The following MINAR1 variants were observed in gnomAD, a reference collection of about 807,000 sequenced individuals.
MINAR1 encodes the protein membrane integral NOTCH2 associated receptor 1, also known as major intrinsically disordered Notch2-binding receptor 1.
A neutral mutation model predicts 65.1 loss-of-function variants in MINAR1; 40 were observed. The ratio of observed to expected loss-of-function variants is 0.61; its 90% confidence interval spans 0.48 to 0.80. The LOEUF (loss-of-function observed/expected upper bound fraction) is 0.80. Ranked by LOEUF, MINAR1 falls within the 30% of genes least tolerant of loss-of-function variation. The pLI is 0.00. For missense variants in MINAR1, 1,128 were observed against 1,148.0 expected (o/e 0.98, Z 0.25); for synonymous variants, 482 against 449.1 (o/e 1.07, Z -0.93).
intron 2 of MINAR1, among the ~76,000 whole-genome samples, chr15:79,460,116 G>A (rs1378737637): frequency 6.6e-6 from 1 of 152,174 alleles, no homozygotes; most frequent in Admixed American, 6.5e-5. Context: ...CCGCTCGATA[G>A]GTCTAACACA....
Position 79,456,935 on chromosome 15 carries a change from A to AT in MINAR1, c.792dup (p.His265SerfsTer20). 1 of 1,614,086 alleles carries AT rather than the reference A, an allele frequency of 6.2e-7. No individual in the cohort carries two copies. Among genetic ancestry groups the AT allele is most frequent in the East Asian group, 2.2e-5 (1 of 44,870 alleles). On this transcript the variant is annotated frameshift_variant, in exon 2 of 4. Transcript: ENST00000305428. LOFTEE classifies it high-confidence loss of function. Reference sequence around the variant, plus strand: ...CAGAAAAGGAATATCTTCAAAGAGGATTTTCACAATTTGATGGCAGTGTCC... The same window carrying AT: ...CAGAAAAGGAATATCTTCAAAGAGGATTTTTCACAATTTGATGGCAGTGTCC...
chr15:79,468,157 G>GTATT lies in MINAR1; in HGVS notation c.2554-28_2554-25dup, dbSNP rs536383787. On this transcript the variant is annotated intron_variant, in intron 3 of 3. Coordinates refer to ENST00000305428, the MANE Select transcript of MINAR1 (RefSeq NM_015206.3). The stretch of plus-strand genomic sequence containing the variant: ...TTTGACCTGATTTCAAGTATTCACT[G>GTATT]TATTTCTAACATCTTCTCTTCGCTT... 4.8e-4 allele frequency: 760 copies of GTATT among 1,579,566 alleles called. 2 individuals are homozygous for GTATT. The African/African-American group carries it at 9.3e-3, about 19-fold the overall frequency.
At chr15:79,468,074 TCTAA>T in intron 3 of MINAR1, 109 bp from the exon 4 acceptor site, 1 of 801,712 alleles carries the variant, frequency 1.2e-6, no homozygotes, top group East Asian at 2.7e-5. Flanking sequence ...CAATACAGTC[TCTAA>T]CTCCCAGCTG....
chr15:79,433,189 C>G (rs1159840008), intron 1 of MINAR1, among the ~76,000 whole-genome samples: 1 of 152,230 alleles, frequency 6.6e-6, no homozygotes, highest in East Asian at 1.9e-4. Flanking sequence ...CTGCCGCCAT[C>G]CCTCCGAAAG....
rs549256659 is a variant in MINAR1 at position 79,456,104 on chromosome 15, C to A, written c.-44C>A. 1 of 1,585,428 alleles carries A rather than the reference C, an allele frequency of 6.3e-7. No individual in the cohort carries two copies. Among genetic ancestry groups the A allele is most frequent in the Admixed American group, 1.7e-5 (1 of 58,558 alleles). Reference sequence around the variant, plus strand: ...CTCAATATTGCCACCACAGAACTGACCTGAAGTTTCAGTGTAGTCAGAGAG... The same window carrying A: ...CTCAATATTGCCACCACAGAACTGAACTGAAGTTTCAGTGTAGTCAGAGAG... On this transcript the variant is annotated 5_prime_UTR_variant, in exon 2 of 4. Coordinates refer to ENST00000305428, the MANE Select transcript of MINAR1 (RefSeq NM_015206.3).
chr15:79,467,188 G>GT (rs1895895196), intron 3 of MINAR1, among the ~76,000 whole-genome samples: 1 of 152,040 alleles, frequency 6.6e-6, no homozygotes, highest in African/African-American at 2.4e-5. Context: ...ACTTTGAAAG[G>GT]TTTGTTTTTT....
chr15:79,415,448 C>T, the MINAR1 span: 1 of 152,180 alleles, frequency 6.6e-6, no homozygotes, highest in East Asian at 1.9e-4. Flanking sequence ...GCCTTTTAAT[C>T]TTATTTGCAA....
intron 3 of MINAR1, 79 bp from the exon 4 acceptor site, chr15:79,468,108 A>G: frequency 8.7e-7 from 1 of 1,149,726 alleles, no homozygotes. Flanking sequence ...TAAGTGCTTC[A>G]GGAGTGATGA....
At position 79,435,211 on chromosome 15, in the gene MINAR1, G is replaced by T. The variant is rs142560342; in HGVS notation, c.-51+2671G>T. On this transcript the variant is annotated intron_variant, in intron 1 of 3. Coordinates refer to ENST00000305428, the MANE Select transcript of MINAR1 (RefSeq NM_015206.3). ...GAATCGCTTGAACCTGGGAGGCAGAGGTTGCGGTGAGCCGAGATCATGCCA... is the reference window on the plus strand; with the variant it reads ...GAATCGCTTGAACCTGGGAGGCAGATGTTGCGGTGAGCCGAGATCATGCCA... 6.6e-3 allele frequency among the ~76,000 whole-genome samples: 1,010 copies of T among 152,142 alleles called. 6 individuals are homozygous for T. The highest frequency in any genetic ancestry group is 0.027 in the Middle Eastern group (8 of 294).
At chr15:79,446,435 T>G (rs764289910) in intron 1 of MINAR1, among the ~76,000 whole-genome samples, 27 of 152,118 alleles carry the variant, frequency 1.8e-4, no homozygotes, top group Non-Finnish European at 3.4e-4. Context: ...ACTCTGAAAC[T>G]ATTTCTTTAT....
upstream of MINAR1, among the ~76,000 whole-genome samples, chr15:79,429,893 G>C (rs1027006938): frequency 1.3e-5 from 2 of 152,208 alleles, no homozygotes; most frequent in African/African-American, 2.4e-5. Flanking sequence ...TCCCAGAGAG[G>C]GGGGCATAGG....
At position 79,469,516 on chromosome 15, in the gene MINAR1, T is replaced by C. The variant is rs1401285088; in HGVS notation, c.*1132T>C. ...CTTGTCAGCAGTGCAAAAAATATTA[T>C]CTGTTTAACCACTTATCTATATGTC... On this transcript the variant is annotated 3_prime_UTR_variant, in exon 4 of 4. Coordinates refer to ENST00000305428, the MANE Select transcript of MINAR1 (RefSeq NM_015206.3). 2 of 152,546 alleles carry C rather than the reference T, an allele frequency of 1.3e-5. No individual in the cohort carries two copies. Among genetic ancestry groups the C allele is most frequent in the Admixed American group, 1.3e-4 (2 of 15,294 alleles). The allele number at this position is 152,546 out of a possible 1,614,324, so 9.4% of individuals were successfully genotyped here.
chr15:79,457,269 G>C lies in MINAR1; in HGVS notation c.1122G>C (p.Glu374Asp). The change falls in exon 2 of 4, where the codon GAG becomes GAC. Residue 374 changes from glutamate to aspartate, a missense_variant. Physicochemically the swap from Glu to Asp is conservative, Grantham distance 45. Transcript: ENST00000305428. ...WPAKSWSLNTEEVPDFERSFF... is the reference protein window; with the variant it reads ...WPAKSWSLNTDEVPDFERSFF... ...CCAAAAGCTGGAGCCTAAACACAGA[G>C]GAAGTTCCTGACTTTGAACGGTCCT... 6.2e-7 allele frequency: 1 copy of C among 1,614,156 alleles called. No individual in the cohort carries two copies. Among genetic ancestry groups the C allele is most frequent in the Non-Finnish European group, 8.5e-7 (1 of 1,180,034 alleles).
chr15:79,453,294 T>C (rs370699812), intron 1 of MINAR1, among the ~76,000 whole-genome samples: 36 of 152,230 alleles, frequency 2.4e-4, no homozygotes, highest in African/African-American at 8.4e-4. Context: ...TGGCATGCGA[T>C]TGAGCCTAGT....
At chr15:79,430,117 T>A (rs1421629108), upstream of MINAR1, among the ~76,000 whole-genome samples, 1 of 152,242 alleles carries the variant, frequency 6.6e-6, no homozygotes. Flanking sequence ...TGAGTAACTG[T>A]AGGATCAGAA....
At chr15:79,466,952 G>A (rs1041223020) in intron 3 of MINAR1, among the ~76,000 whole-genome samples, 4 of 152,158 alleles carry the variant, frequency 2.6e-5, no homozygotes, top group African/African-American at 9.7e-5. Flanking sequence ...GGGAGCTGGG[G>A]GAATAAATAC....
At chr15:79,449,835 A>T (rs8034425) in intron 1 of MINAR1, among the ~76,000 whole-genome samples, 22,127 of 151,712 alleles carry the variant, frequency 0.15, 4,943 homozygotes, top group African/African-American at 0.48. Flanking sequence ...AGACATACAG[A>T]CTCTTCTCTG....
At position 79,456,380 on chromosome 15, in the gene MINAR1, C is replaced by G. The variant is rs768695362; in HGVS notation, c.233C>G (p.Ser78Ter). ...AAATGCACTGTGAATAACCAGCAAT[C>G]AAAGAAAATCATGGTGGCAGCAGAT... ...KMKCTVNNQQ[S>*]KKIMVAADIV... Residue 78 changes from serine to a stop codon, truncating the protein, a stop_gained, in exon 2 of 4, where the codon TCA (serine) becomes TGA (stop). Coordinates refer to ENST00000305428, the MANE Select transcript of MINAR1 (RefSeq NM_015206.3). LOFTEE classifies it high-confidence loss of function. The G allele has an allele frequency of 1.2e-6, 2 of 1,614,188 alleles. No individual in the cohort carries two copies. The highest frequency in any genetic ancestry group is 1.7e-5 in the Admixed American group (1 of 60,028).
chr15:79,468,175 C>T lies in MINAR1; in HGVS notation c.2554-12C>T, dbSNP rs766389645. The T allele has an allele frequency of 6.2e-6, 10 of 1,608,474 alleles. No homozygotes were observed. The highest frequency in any genetic ancestry group is 8.5e-6 in the Non-Finnish European group (10 of 1,175,508). ...ATTCACTGTATTTCTAACATCTTCT[C>T]TTCGCTTTTAGACGCAAGAATCTTT... On this transcript the variant is annotated splice_polypyrimidine_tract_variant and intron_variant, in intron 3 of 3. Coordinates refer to ENST00000305428, the MANE Select transcript of MINAR1 (RefSeq NM_015206.3).
Sources: gnomAD v4.1 joint callset for allele counts (sites outside exome capture counted in the v4.1 genomes callset) on GRCh38, gnomAD v4.1.1 for gene constraint, MANE v1.5 for transcripts, NCBI Gene and HGNC (gene_info 2026-07-23, HGNC 2026-07-21) for gene names.